The following MAGI1 variants were observed in gnomAD, a reference collection of about 807,000 sequenced individuals.
MAGI1 encodes the protein membrane-associated guanylate kinase, WW and PDZ domain-containing protein 1.
MAGI1 carries 58 observed loss-of-function variants against 139.9 expected under a neutral mutation model. The ratio of observed to expected loss-of-function variants is 0.41; its 90% CI spans 0.34 to 0.52. The LOEUF (loss-of-function observed/expected upper bound fraction) is 0.52, where lower values mean the gene tolerates loss of function less well. MAGI1 is among the 20% of genes least tolerant of loss of function. The probability of loss-of-function intolerance (pLI) is 0.12; values close to 1 mark genes in which losing one functional copy is unlikely to be tolerated. For synonymous variants in MAGI1, 812 were observed against 737.9 expected (o/e 1.10, Z -1.63); for missense variants, 1,874 against 1,901.6 (o/e 0.99, Z 0.27).
chr3:65,485,923 C>G (rs1288798312), intron 3 of MAGI1, among the ~76,000 whole-genome samples: 1 of 152,166 alleles, frequency 6.6e-6, no homozygotes, highest in East Asian at 1.9e-4. Context: ...CCAGCTCCCC[C>G]CATCTTCATA....
At chr3:65,883,551 A>G (rs1411481504) in intron 1 of MAGI1, among the ~76,000 whole-genome samples, 2 of 152,230 alleles carry the variant, frequency 1.3e-5, no homozygotes, top group African/African-American at 2.4e-5. Flanking sequence ...CTACTTCTGG[A>G]AGACCACCCA....
At chr3:65,848,413 A>G (rs1038011562) in intron 1 of MAGI1, among the ~76,000 whole-genome samples, 1 of 152,084 alleles carries the variant, frequency 6.6e-6, no homozygotes, top group African/African-American at 2.4e-5. Flanking sequence ...ACTGAAGTAC[A>G]CTTACTCCTG....
intron 2 of MAGI1, among the ~76,000 whole-genome samples, chr3:65,514,448 A>G (rs541029161): frequency 6.8e-6 from 1 of 146,492 alleles, no homozygotes; most frequent in Admixed American, 6.9e-5. Flanking sequence ...CAATGAACTC[A>G]AACAAATTTA....
At chr3:65,990,410 G>A (rs557641087) in intron 1 of MAGI1, among the ~76,000 whole-genome samples, 1 of 152,168 alleles carries the variant, frequency 6.6e-6, no homozygotes, top group Admixed American at 6.5e-5. Context: ...GATGAGTACC[G>A]CCTACCAAAG....
chr3:65,610,742 G>GTATATACTATATACTCTCTATATATATA (rs11276480), intron 2 of MAGI1, among the ~76,000 whole-genome samples: 1 of 121,318 alleles, frequency 8.2e-6, no homozygotes, highest in East Asian at 2.2e-4. Context: ...ATAGTATATA[G>GTATATACTATATACTCTCTATATATATA]TATATATACA....
At chr3:65,890,082 C>T (rs1007658709) in intron 1 of MAGI1, among the ~76,000 whole-genome samples, 5 of 151,796 alleles carry the variant, frequency 3.3e-5, no homozygotes, top group African/African-American at 1.2e-4. Flanking sequence ...TCATGATATG[C>T]CGGCCAGTCG....
chr3:66,010,325 C>A (rs926101772), intron 1 of MAGI1, among the ~76,000 whole-genome samples: 3 of 152,096 alleles, frequency 2.0e-5, no homozygotes, highest in African/African-American at 7.2e-5. Flanking sequence ...GCCTTGGCCA[C>A]TCCTCAGGGC....
intron 2 of MAGI1, among the ~76,000 whole-genome samples, chr3:65,508,270 A>G (rs1028574683): frequency 6.6e-6 from 1 of 151,964 alleles, no homozygotes; most frequent in Admixed American, 6.6e-5. Context: ...CGGGCGTGGC[A>G]GTGGGCGCCT....
At chr3:65,488,682 A>G (rs746427275) in intron 3 of MAGI1, among the ~76,000 whole-genome samples, 1 of 148,070 alleles carries the variant, frequency 6.8e-6, no homozygotes, top group Non-Finnish European at 1.5e-5. Context: ...TCATTCATTC[A>G]TATATTACAC....
chr3:65,434,358 C>G (rs576793510), intron 10 of MAGI1, among the ~76,000 whole-genome samples: 1 of 152,052 alleles, frequency 6.6e-6, no homozygotes, highest in Admixed American at 6.6e-5. Context: ...GTTTTGATGG[C>G]GGTGGTGATA....
intron 2 of MAGI1, among the ~76,000 whole-genome samples, chr3:65,587,992 T>C (rs1055444226): frequency 6.6e-6 from 1 of 152,108 alleles, no homozygotes; most frequent in South Asian, 2.1e-4. Flanking sequence ...CCAGCACACA[T>C]TTGGTTCTTT....
chr3:65,393,404 T>G (rs1287952285), intron 13 of MAGI1, among the ~76,000 whole-genome samples: 3 of 152,226 alleles, frequency 2.0e-5, no homozygotes, highest in African/African-American at 7.2e-5. Flanking sequence ...ATCATTATAC[T>G]TTCCCATATT....
At chr3:65,959,501 A>C (rs2064301458) in intron 1 of MAGI1, among the ~76,000 whole-genome samples, 1 of 151,648 alleles carries the variant, frequency 6.6e-6, no homozygotes. Flanking sequence ...CAGTGGTGTG[A>C]TCATAGCTCA....
intron 1 of MAGI1, among the ~76,000 whole-genome samples, chr3:65,967,295 C>A (rs1218935722): frequency 1.3e-5 from 2 of 152,200 alleles, no homozygotes; most frequent in Non-Finnish European, 2.9e-5. Context: ...CTAAAAAATT[C>A]TTTCAACGTT....
chr3:65,704,578 C>A (rs184942700), intron 1 of MAGI1, among the ~76,000 whole-genome samples: 23 of 152,258 alleles, frequency 1.5e-4, no homozygotes, highest in Admixed American at 4.6e-4. Flanking sequence ...TCTGACTTGG[C>A]ACCAAGAACT....
chr3:65,729,778 C>G (rs2034001317), intron 1 of MAGI1, among the ~76,000 whole-genome samples: 1 of 152,202 alleles, frequency 6.6e-6, no homozygotes, highest in Non-Finnish European at 1.5e-5. Context: ...CTGAATTTGT[C>G]TACTGCAAAT....
At chr3:65,847,021 A>G (rs533687484) in intron 1 of MAGI1, among the ~76,000 whole-genome samples, 11 of 147,554 alleles carry the variant, frequency 7.5e-5, no homozygotes, top group Non-Finnish European at 1.0e-4. Flanking sequence ...GTTTATACCA[A>G]TTTTAGGACA....
At chr3:65,499,428 T>C (rs1576035772) in intron 2 of MAGI1, among the ~76,000 whole-genome samples, 2 of 152,274 alleles carry the variant, frequency 1.3e-5, no homozygotes, top group African/African-American at 4.8e-5. Context: ...GGTGGCCAGA[T>C]CACGAGGTCA....
chr3:65,633,634 C>G (rs1157700920), intron 1 of MAGI1, among the ~76,000 whole-genome samples: 1 of 152,108 alleles, frequency 6.6e-6, no homozygotes, highest in Non-Finnish European at 1.5e-5. Context: ...GAAAAGCAAG[C>G]TTAGGTTTAA....
Sources: allele counts gnomAD v4.1 joint callset (sites outside exome capture counted in the v4.1 genomes callset), GRCh38; gene constraint gnomAD v4.1.1; transcripts MANE v1.5; gene names NCBI Gene and HGNC (gene_info 2026-07-23, HGNC 2026-07-21).